The following CBLB variants were observed in gnomAD, a reference collection of about 807,000 sequenced individuals.
CBLB encodes E3 ubiquitin-protein ligase CBL-B.
A neutral mutation model predicts 104.9 loss-of-function variants in CBLB; 31 were observed. The ratio of observed to expected loss-of-function variants is 0.30; its 90% CI spans 0.22 to 0.40. The LOEUF (loss-of-function observed/expected upper bound fraction) is 0.40, where lower values mean the gene tolerates loss of function less well. CBLB is among the 10% of genes least tolerant of loss of function. CBLB has a pLI of 1.00. For missense variants in CBLB, 1,062 were observed against 1,214.6 expected, an observed-to-expected ratio of 0.87 and a Z score of 1.87; for synonymous variants, 440 against 422.6, an observed-to-expected ratio of 1.04 and a Z score of -0.51.
chr3:105,815,191 A>G (rs557303687), intron 3 of CBLB, among the ~76,000 whole-genome samples: 1 of 151,934 alleles, frequency 6.6e-6, no homozygotes, highest in Admixed American at 6.6e-5. Context: ...TAATTTAAGA[A>G]CTCCTTCAGT....
chr3:105,737,842 A>T (rs2075122193), intron 7 of CBLB, among the ~76,000 whole-genome samples: 2 of 152,238 alleles, frequency 1.3e-5, no homozygotes, highest in African/African-American at 4.8e-5. Context: ...TACACATTTT[A>T]AAAAATTAGA....
At chr3:105,804,819 G>A (rs752341651) in intron 3 of CBLB, among the ~76,000 whole-genome samples, 1 of 151,844 alleles carries the variant, frequency 6.6e-6, no homozygotes, top group African/African-American at 2.4e-5. Flanking sequence ...GGATCTTTAA[G>A]GATCCTTGAA....
chr3:105,678,825 C>G (rs934720755), intron 16 of CBLB, among the ~76,000 whole-genome samples: 15 of 152,008 alleles, frequency 9.9e-5, no homozygotes, highest in Non-Finnish European at 1.6e-4. Context: ...TTCTATCAGG[C>G]CTTTTTATAA....
chr3:105,742,605 AATAAT>A (rs1342214971), intron 6 of CBLB, among the ~76,000 whole-genome samples: 1 of 152,172 alleles, frequency 6.6e-6, no homozygotes, highest in Admixed American at 6.5e-5. Flanking sequence ...AAGTGCCAAA[AATAAT>A]AGAAAGTCAC....
intron 4 of CBLB, among the ~76,000 whole-genome samples, chr3:105,770,010 A>C (rs2078674097): frequency 6.6e-6 from 1 of 152,122 alleles, no homozygotes; most frequent in Non-Finnish European, 1.5e-5. Flanking sequence ...TTCAAGAGTT[A>C]GAATCTGTGT....
intron 3 of CBLB, among the ~76,000 whole-genome samples, chr3:105,823,646 T>G (rs943819648): frequency 2.0e-5 from 3 of 152,176 alleles, no homozygotes; most frequent in Admixed American, 6.5e-5. Context: ...TGCTGGTTAC[T>G]CTTCCTACTG....
At chr3:105,827,014 C>G (rs534294415) in intron 3 of CBLB, among the ~76,000 whole-genome samples, 1 of 152,252 alleles carries the variant, frequency 6.6e-6, no homozygotes, top group East Asian at 1.9e-4. Flanking sequence ...AATTTATTAG[C>G]ACAGCCACAA....
intron 9 of CBLB, among the ~76,000 whole-genome samples, chr3:105,725,436 C>T (rs1361660930): frequency 6.6e-6 from 1 of 152,138 alleles, no homozygotes; most frequent in Admixed American, 6.5e-5. Flanking sequence ...TTCCAAAGTG[C>T]CAGTATCTGT....
chr3:105,788,409 TACACTA>T (rs1242914239), intron 3 of CBLB, among the ~76,000 whole-genome samples: 4 of 151,610 alleles, frequency 2.6e-5, no homozygotes, highest in Non-Finnish European at 4.4e-5. Flanking sequence ...ACATGTAAAA[TACACTA>T]ACACTAACAA....
chr3:105,757,296 G>T (rs1428111704), intron 4 of CBLB, among the ~76,000 whole-genome samples: 2 of 152,162 alleles, frequency 1.3e-5, no homozygotes, highest in Non-Finnish European at 2.9e-5. Context: ...AATGAACAAA[G>T]TACTGCTACA....
intron 3 of CBLB, among the ~76,000 whole-genome samples, chr3:105,777,879 T>C (rs1347074822): frequency 6.6e-6 from 1 of 152,206 alleles, no homozygotes; most frequent in Non-Finnish European, 1.5e-5. Flanking sequence ...TAACATTTCT[T>C]AAATTTTCAA....
At chr3:105,661,481 CTT>C (rs2063785000) in intron 18 of CBLB, among the ~76,000 whole-genome samples, 1 of 152,072 alleles carries the variant, frequency 6.6e-6, no homozygotes, top group Non-Finnish European at 1.5e-5. Flanking sequence ...TTCTGAGACA[CTT>C]TTAGATGAGA....
Position 105,656,433 on chromosome 3 carries a change from TGATA to T in CBLB, c.*2533_*2536del, listed in dbSNP as rs895924570. 52 of 195,014 alleles carry T rather than the reference TGATA, an allele frequency of 2.7e-4. No individual in the cohort carries two copies. Among genetic ancestry groups the T allele is most frequent in the African/African-American group, 1.2e-3 (51 of 43,286 alleles). The allele number at this position is 195,014 out of a possible 1,614,324, so 12.1% of individuals were successfully genotyped here. On this transcript the variant is annotated 3_prime_UTR_variant, in exon 19 of 19. Coordinates refer to ENST00000394030, the MANE Select transcript of CBLB (RefSeq NM_170662.5). The stretch of plus-strand genomic sequence containing the variant: ...ATTTTTTTAGGTTTAATTTCATAGG[TGATA>T]GATAGCAATGGGTCTTTCTTGACAG...
chr3:105,722,213 A>AG (rs1383854162), intron 9 of CBLB, among the ~76,000 whole-genome samples: 2 of 151,000 alleles, frequency 1.3e-5, no homozygotes, highest in East Asian at 3.9e-4. Context: ...AAAAAAAAAA[A>AG]AAAAAGAAAA....
intron 13 of CBLB, among the ~76,000 whole-genome samples, chr3:105,688,345 C>T (rs1331269639): frequency 1.3e-5 from 2 of 151,948 alleles, no homozygotes; most frequent in Non-Finnish European, 2.9e-5. Flanking sequence ...GTCACCACCC[C>T]CCCCACAACC....
At chr3:105,775,474 T>C (rs1333982241) in intron 4 of CBLB, among the ~76,000 whole-genome samples, 7 of 152,220 alleles carry the variant, frequency 4.6e-5, no homozygotes, top group Admixed American at 4.6e-4. Flanking sequence ...ATTTCATCAG[T>C]TAAAGGACAA....
intron 12 of CBLB, among the ~76,000 whole-genome samples, chr3:105,701,446 A>G (rs2069095363): frequency 6.6e-6 from 1 of 152,170 alleles, no homozygotes; most frequent in South Asian, 2.1e-4. Flanking sequence ...TAAAAATTGG[A>G]TGGAACTAAA....
chr3:105,689,481 A>T (rs1197196506), intron 13 of CBLB, among the ~76,000 whole-genome samples: 1 of 151,162 alleles, frequency 6.6e-6, no homozygotes, highest in Non-Finnish European at 1.5e-5. Flanking sequence ...CATCTCTAAA[A>T]GACAAGGCAC....
chr3:105,853,359 G>A, intron 3 of CBLB, 55 bp downstream of exon 3: 3 of 1,588,688 alleles, frequency 1.9e-6, no homozygotes, highest in African/African-American at 1.3e-5. Context: ...TAACTATTAA[G>A]TAAAAAGCAA....
Sources: gnomAD v4.1 joint callset for allele counts (sites outside exome capture counted in the v4.1 genomes callset) on GRCh38, gnomAD v4.1.1 for gene constraint, MANE v1.5 for transcripts, NCBI Gene and HGNC (gene_info 2026-07-23, HGNC 2026-07-21) for gene names.